Variants in RIC8B observed in about 807,000 individuals in gnomAD.
RIC8B encodes RIC8 guanine nucleotide exchange factor B.
Under a neutral mutation model 57.5 loss-of-function variants are expected in RIC8B, and 16 were observed. The ratio of observed to expected loss-of-function variants is 0.28; its 90% CI spans 0.19 to 0.42. The LOEUF (loss-of-function observed/expected upper bound fraction) is 0.42, where lower values mean the gene tolerates loss of function less well. RIC8B is among the 10% of genes least tolerant of loss of function. The pLI is 1.00. For synonymous variants in RIC8B, 216 were observed against 250.8 expected (o/e 0.86, Z 1.31); for missense variants, 481 against 677.0 (o/e 0.71, Z 3.21).
intron 2 of RIC8B, among the ~76,000 whole-genome samples, chr12:106,813,579 G>A (rs11113121): frequency 0.041 from 6,241 of 152,142 alleles, 301 homozygotes; most frequent in African/African-American, 0.12. Flanking sequence ...AGATACCAAG[G>A]GATGACTACA....
chr12:106,871,813 G>A (rs1232783421), intron 9 of RIC8B, among the ~76,000 whole-genome samples: 1 of 152,140 alleles, frequency 6.6e-6, no homozygotes, highest in African/African-American at 2.4e-5. Context: ...TCAAAAGAAG[G>A]AGCCATTGGA....
chr12:106,857,479 G>C (rs974311745), intron 7 of RIC8B, among the ~76,000 whole-genome samples: 3 of 152,150 alleles, frequency 2.0e-5, no homozygotes, highest in Non-Finnish European at 4.4e-5. Flanking sequence ...GCTGTGGTTG[G>C]TTTCCTCTGT....
At position 106,853,684 on chromosome 12, in the gene RIC8B, G is replaced by T. The variant is rs574171947; in HGVS notation, c.1306+2090G>T. Among the ~76,000 whole-genome samples the T allele has an allele frequency of 1.1e-4, 17 of 151,784 alleles. No individual in the cohort carries two copies. In the East Asian group the frequency reaches 2.9e-3, roughly 26 times the overall value. ...GGGTTTCACCATATTGGCCAGGATG[G>T]TCTCGAACTCCTGTCCTTGTGATCT... On this transcript the variant is annotated intron_variant, in intron 7 of 9. Coordinates refer to ENST00000392837, the MANE Select transcript of RIC8B (RefSeq NM_001330145.2).
intron 6 of RIC8B, among the ~76,000 whole-genome samples, chr12:106,850,768 A>G (rs760258731): frequency 2.0e-4 from 30 of 152,178 alleles, no homozygotes; most frequent in Non-Finnish European, 3.8e-4. Flanking sequence ...GCTAGAAAAC[A>G]TAAGTACAGT....
intron 3 of RIC8B, chr12:106,823,161 AAGGTAGT>A (rs1357800728): frequency 8.6e-6 from 2 of 231,438 alleles, no homozygotes; most frequent in East Asian, 1.9e-4. Flanking sequence ...TTTCCTCATT[AAGGTAGT>A]AGATTAGTGG....
chr12:106,872,731 T>TA (rs1277381947), intron 9 of RIC8B, among the ~76,000 whole-genome samples: 1 of 150,840 alleles, frequency 6.6e-6, no homozygotes, highest in Non-Finnish European at 1.5e-5. Flanking sequence ...GAGGAAAGGT[T>TA]AGCAAGGACC....
intron 2 of RIC8B, among the ~76,000 whole-genome samples, chr12:106,785,819 G>T (rs796744410): frequency 1.9e-5 from 2 of 107,516 alleles, no homozygotes; most frequent in Non-Finnish European, 3.9e-5. Context: ...CTCTCTGTGT[G>T]TGTGTGTGTG....
At chr12:106,779,463 C>T (rs1186502992) in intron 1 of RIC8B, among the ~76,000 whole-genome samples, 1 of 151,948 alleles carries the variant, frequency 6.6e-6, no homozygotes, top group Admixed American at 6.6e-5. Flanking sequence ...AACTCCTGAC[C>T]TCAAGTGATC....
chr12:106,877,732 T>C (rs1215400938), intron 9 of RIC8B, among the ~76,000 whole-genome samples: 1 of 152,178 alleles, frequency 6.6e-6, no homozygotes, highest in Non-Finnish European at 1.5e-5. Flanking sequence ...TTTACCAAAG[T>C]TGCTCAACCC....
chr12:106,842,817 G>A lies in RIC8B; in HGVS notation c.1065G>A (p.Lys355=). 2 of 1,584,386 alleles carry A rather than the reference G, an allele frequency of 1.3e-6. No homozygotes were observed. The highest frequency in any genetic ancestry group is 1.7e-6 in the Non-Finnish European group (2 of 1,154,486). Residue 355 remains lysine, a splice_region_variant and synonymous_variant, in exon 5 of 10, where the codon AAG becomes AAA. Transcript: ENST00000392837. ...ATTTTATGGAGAAGAGAATAGACAA[G>A]GTAAGGCTGATAAAATGGAAGCCCT... ...LLNFMEKRID[K]GSSYREGLTP...
In RIC8B at chr12:106,867,920, T is replaced by C. The variant is rs143900246; in HGVS notation, c.1452-2903T>C. On this transcript the variant is annotated intron_variant, in intron 8 of 9. Transcript: ENST00000392837. This position sits in a 1 kb window ranked among gnomAD's most constrained non-coding sequence, Gnocchi z 4.3. ...TTTGGAGGGTTGGAATGTTTTACTC[T>C]ATGGCAAAAAATGAGTTCTTACTCT... 7.0e-4 allele frequency among the ~76,000 whole-genome samples: 106 copies of C among 152,316 alleles called. No homozygotes were observed. The highest frequency in any genetic ancestry group is 2.3e-3 in the African/African-American group (94 of 41,580).
intron 7 of RIC8B, among the ~76,000 whole-genome samples, chr12:106,858,579 A>G (rs1331911010): frequency 5.3e-5 from 8 of 152,158 alleles, no homozygotes; most frequent in Admixed American, 3.9e-4. Flanking sequence ...AAGAGAGAGC[A>G]TATCAGACTT....
At chr12:106,795,310 C>G (rs1234675975) in intron 2 of RIC8B, among the ~76,000 whole-genome samples, 1 of 152,094 alleles carries the variant, frequency 6.6e-6, no homozygotes, top group Non-Finnish European at 1.5e-5. Context: ...CGTCTTCTCA[C>G]GCCAAGACAA....
chr12:106,776,004 GCTGAATTCCCGTTTAATCTT>G (rs1480924266), intron 1 of RIC8B, among the ~76,000 whole-genome samples: 1 of 152,106 alleles, frequency 6.6e-6, no homozygotes, highest in East Asian at 1.9e-4. Flanking sequence ...CATACTGGTG[GCTGAATTCCCGTTTAATCTT>G]CCCAACAACC....
chr12:106,815,654 A>C (rs1048168304), intron 3 of RIC8B, among the ~76,000 whole-genome samples: 1 of 152,236 alleles, frequency 6.6e-6, no homozygotes, highest in African/African-American at 2.4e-5. Context: ...TGATAAAGCT[A>C]TAGGCATTTT....
intron 2 of RIC8B, among the ~76,000 whole-genome samples, chr12:106,791,029 A>G (rs2044240656): frequency 6.6e-6 from 1 of 152,242 alleles, no homozygotes; most frequent in Admixed American, 6.5e-5. Context: ...CTGAATGAAA[A>G]GAACTTGGTG....
At chr12:106,831,072 A>T (rs1368097561) in intron 4 of RIC8B, among the ~76,000 whole-genome samples, 2 of 151,844 alleles carry the variant, frequency 1.3e-5, no homozygotes, top group African/African-American at 2.4e-5. Flanking sequence ...CCTCTTATAG[A>T]TTTCCTTTCT....
intron 1 of RIC8B, among the ~76,000 whole-genome samples, chr12:106,781,618 T>C (rs2043766572): frequency 6.6e-6 from 1 of 152,208 alleles, no homozygotes. Context: ...ACCTTGGTAC[T>C]ATTCTGAATT....
At chr12:106,803,211 G>A (rs1219185668) in intron 2 of RIC8B, among the ~76,000 whole-genome samples, 2 of 51,534 alleles carry the variant, frequency 3.9e-5, no homozygotes, top group Non-Finnish European at 7.1e-5. Flanking sequence ...ATGATACCCT[G>A]TCTCAAAAAA....
Sources: allele counts gnomAD v4.1 joint callset (sites outside exome capture counted in the v4.1 genomes callset), GRCh38; gene constraint gnomAD v4.1.1; non-coding constraint Gnocchi (gnomAD v3.1); transcripts MANE v1.5; gene names NCBI Gene and HGNC (gene_info 2026-07-23, HGNC 2026-07-21).